ANO6: variants seen among roughly 807,000 people sequenced by gnomAD.
The protein encoded by ANO6 is anoctamin-6.
A neutral mutation model predicts 117.5 loss-of-function variants in ANO6; 106 were observed. The observed-to-expected ratio is 0.90, with a 90% CI of 0.77 to 1.06. The LOEUF is 1.06. Among genes scored for constraint, ANO6 ranks in the 50% least tolerant of loss-of-function variants. The pLI, the probability that ANO6 is intolerant of heterozygous loss-of-function variation, is 0.00. For missense variants in ANO6, 955 were observed against 1,121.1 expected (o/e 0.85, Z 2.12); for synonymous variants, 367 against 385.1 (o/e 0.95, Z 0.55).
chr12:45,230,444 T>C (rs1947557990), intron 1 of ANO6, among the ~76,000 whole-genome samples: 1 of 149,104 alleles, frequency 6.7e-6, no homozygotes, highest in African/African-American at 2.4e-5. Flanking sequence ...ATTTAACATA[T>C]ATAAAATATA....
chr12:45,265,271 A>G (rs1306059035), intron 1 of ANO6, among the ~76,000 whole-genome samples: 1 of 152,168 alleles, frequency 6.6e-6, no homozygotes, highest in Non-Finnish European at 1.5e-5. Flanking sequence ...GATCTACTGT[A>G]TTGAAATACG....
intron 1 of ANO6, among the ~76,000 whole-genome samples, chr12:45,223,137 T>A (rs1947430947): frequency 6.6e-6 from 1 of 152,212 alleles, no homozygotes; most frequent in African/African-American, 2.4e-5. Flanking sequence ...AGTGTTTCCC[T>A]GAGTTCCCCA....
intron 1 of ANO6, chr12:45,293,068 G>T: frequency 7.7e-7 from 1 of 1,304,292 alleles, no homozygotes; most frequent in South Asian, 1.5e-5. Flanking sequence ...TGTATTATTA[G>T]TCTGCTTTGT....
At chr12:45,400,523 A>C (rs1400709891) in intron 12 of ANO6, among the ~76,000 whole-genome samples, 1 of 152,226 alleles carries the variant, frequency 6.6e-6, no homozygotes, top group Non-Finnish European at 1.5e-5. Context: ...TTTAACACTT[A>C]ACTTTGGTTG....
At chr12:45,293,084 T>A in intron 1 of ANO6, 1 of 1,151,922 alleles carries the variant, frequency 8.7e-7, no homozygotes, top group Non-Finnish European at 1.2e-6. Flanking sequence ...TTTGTGTGTG[T>A]GTCACAGTAT....
Position 45,429,921 on chromosome 12 carries a change from C to T in ANO6, c.*610C>T, listed in dbSNP as rs1943594195. ...CATGTCTTTCCATCTCAAAAAAATA[C>T]TCTTAGTAGGTTGGAGTGAAGATAG... On this transcript the variant is annotated 3_prime_UTR_variant, in exon 20 of 20. Coordinates refer to ENST00000320560, the MANE Select transcript of ANO6 (RefSeq NM_001025356.3). 2.0e-5 allele frequency: 20 copies of T among 989,192 alleles called. No homozygotes were observed. Among genetic ancestry groups the T allele is most frequent in the Non-Finnish European group, 1.8e-5 (15 of 832,468 alleles). 61.3% of individuals were successfully genotyped at this position (989,192 alleles called of 1,614,324 possible).
intron 1 of ANO6, among the ~76,000 whole-genome samples, chr12:45,276,730 GT>G (rs1381604463): frequency 2.0e-5 from 3 of 152,084 alleles, no homozygotes; most frequent in African/African-American, 7.2e-5. Flanking sequence ...GACATTTTCT[GT>G]TTTATCTTCT....
At chr12:45,396,934 T>TCAACACCAAAGCAATAG (rs1942631101) in intron 12 of ANO6, among the ~76,000 whole-genome samples, 8 of 152,204 alleles carry the variant, frequency 5.3e-5, no homozygotes, top group Admixed American at 3.9e-4. Context: ...GGCAAGGACT[T>TCAACACCAAAGCAATAG]CAACACCAAA....
intron 2 of ANO6, among the ~76,000 whole-genome samples, chr12:45,324,249 A>G (rs1940387431): frequency 6.6e-6 from 1 of 152,144 alleles, no homozygotes; most frequent in African/African-American, 2.4e-5. Flanking sequence ...ACTGTTTTAA[A>G]TGAGACATTC....
intron 1 of ANO6, among the ~76,000 whole-genome samples, chr12:45,267,828 G>A (rs1480985937): frequency 6.6e-6 from 1 of 152,098 alleles, no homozygotes; most frequent in Non-Finnish European, 1.5e-5. Flanking sequence ...AATTATGTAT[G>A]AAGAGGCTAG....
chr12:45,244,524 A>ATCTATAG (rs1947796216), intron 1 of ANO6, among the ~76,000 whole-genome samples: 2 of 152,006 alleles, frequency 1.3e-5, no homozygotes, highest in African/African-American at 4.8e-5. Flanking sequence ...GGTGAGAGGA[A>ATCTATAG]TCTATAGTTT....
intron 8 of ANO6, among the ~76,000 whole-genome samples, chr12:45,360,753 T>A (rs1593012580): frequency 6.6e-6 from 1 of 152,296 alleles, no homozygotes; most frequent in East Asian, 1.9e-4. Context: ...TATGATTTAT[T>A]TTGAGTTAAT....
At chr12:45,222,312 C>A (rs909728774) in intron 1 of ANO6, among the ~76,000 whole-genome samples, 1 of 152,146 alleles carries the variant, frequency 6.6e-6, no homozygotes, top group African/African-American at 2.4e-5. Flanking sequence ...AGGTGCCCAC[C>A]ACTGTGCCCG....
At chr12:45,321,766 A>G (rs1205634172) in intron 2 of ANO6, among the ~76,000 whole-genome samples, 1 of 152,186 alleles carries the variant, frequency 6.6e-6, no homozygotes, top group East Asian at 1.9e-4. Context: ...TTAATGCACA[A>G]CTCAAAAATC....
At chr12:45,422,531 A>G (rs1266488509) in intron 18 of ANO6, among the ~76,000 whole-genome samples, 1 of 152,084 alleles carries the variant, frequency 6.6e-6, no homozygotes, top group Non-Finnish European at 1.5e-5. Flanking sequence ...TTTAAGAGAA[A>G]ATGTATGTGA....
chr12:45,408,745 C>G (rs1297675056), intron 15 of ANO6, among the ~76,000 whole-genome samples: 1 of 152,168 alleles, frequency 6.6e-6, no homozygotes, highest in Non-Finnish European at 1.5e-5. Flanking sequence ...ACAGTGGTCT[C>G]TTATTCCTAC....
chr12:45,357,027 A>G (rs1941429126), intron 7 of ANO6, among the ~76,000 whole-genome samples: 1 of 152,232 alleles, frequency 6.6e-6, no homozygotes, highest in Non-Finnish European at 1.5e-5. Context: ...TTCCATAATC[A>G]GCATTTTTCT....
At chr12:45,307,462 G>A (rs1804664608) in intron 2 of ANO6, among the ~76,000 whole-genome samples, 1 of 152,206 alleles carries the variant, frequency 6.6e-6, no homozygotes, top group South Asian at 2.1e-4. Flanking sequence ...CCAGAAGTCT[G>A]TGGAAGGAGC....
chr12:45,316,265 T>C (rs1940022023), intron 2 of ANO6, among the ~76,000 whole-genome samples: 1 of 152,170 alleles, frequency 6.6e-6, no homozygotes, highest in East Asian at 1.9e-4. Flanking sequence ...TATATTCCAA[T>C]GAGAAAGACA....
Sources: allele counts gnomAD v4.1 joint callset (sites outside exome capture counted in the v4.1 genomes callset), GRCh38; gene constraint gnomAD v4.1.1; transcripts MANE v1.5; gene names NCBI Gene and HGNC (gene_info 2026-07-23, HGNC 2026-07-21).